THSD1: variants seen among roughly 807,000 people sequenced by gnomAD.
The protein encoded by THSD1 is thrombospondin type 1 domain containing 1.
In THSD1, 34 loss-of-function variants were observed where a neutral mutation model predicts 46.3. That is an observed-to-expected ratio of 0.74 (90% CI 0.56 to 0.98). The LOEUF (loss-of-function observed/expected upper bound fraction) is 0.98. Ranked by LOEUF, THSD1 falls within the 50% of genes least tolerant of loss-of-function variation. The pLI is 0.00. For synonymous variants in THSD1, 407 were observed against 416.5 expected (o/e 0.98, Z 0.28); for missense variants, 1,023 against 1,058.3 (o/e 0.97, Z 0.46).
intron 1 of THSD1, 182 bp from the exon 2 acceptor site, chr13:52,402,863 T>C (rs1270031653): frequency 1.0e-6 from 1 of 984,708 alleles, no homozygotes; most frequent in East Asian, 1.1e-4. Flanking sequence ...TTCATTCCAT[T>C]ATAACTCACA....
chr13:52,380,444 G>A (rs750940343), intron 4 of THSD1, among the ~76,000 whole-genome samples: 3 of 150,948 alleles, frequency 2.0e-5, no homozygotes, highest in Non-Finnish European at 2.9e-5. Flanking sequence ...ACTGAAGCCA[G>A]GCTACCCTGC....
At chr13:52,382,278 G>A (rs542970277) in intron 4 of THSD1, among the ~76,000 whole-genome samples, 48 of 152,112 alleles carry the variant, frequency 3.2e-4, no homozygotes, top group Non-Finnish European at 5.3e-4. Flanking sequence ...AAAATCCTGG[G>A]TTTCATCCTT....
Position 52,377,559 on chromosome 13 carries a change from G to C in THSD1, c.2411C>G (p.Pro804Arg), listed in dbSNP as rs1290408770. 1.2e-5 allele frequency: 20 copies of C among 1,601,582 alleles called. No individual in the cohort carries two copies. The highest frequency in any genetic ancestry group is 1.7e-5 in the Non-Finnish European group (20 of 1,170,352). Residue 804 changes from proline (P) to arginine (R), a missense_variant, in exon 5 of 5, where the codon CCC (proline) becomes CGC (arginine). By Grantham distance (103) the Pro-to-Arg change is moderately radical (BLOSUM62 -2). Transcript: ENST00000258613. ...ATAGAAGGCAAACTCAGGGTGAGTG[G>C]GGAAGCTTTGACACTTGTCTTTTCT... ...QCRKDKCQSF[P>R]THPEFAFYDN...
At chr13:52,382,308 T>C (rs1197465377) in intron 4 of THSD1, among the ~76,000 whole-genome samples, 1 of 152,198 alleles carries the variant, frequency 6.6e-6, no homozygotes, top group Non-Finnish European at 1.5e-5. Flanking sequence ...TCTCCATCAC[T>C]TGCCACATAC....
At chr13:52,383,257 A>T (rs1957706254) in intron 4 of THSD1, among the ~76,000 whole-genome samples, 1 of 152,200 alleles carries the variant, frequency 6.6e-6, no homozygotes, top group African/African-American at 2.4e-5. Flanking sequence ...TAACTGATTG[A>T]TTCATTCCTT....
Position 52,398,107 on chromosome 13 carries a change from A to G in THSD1, c.146T>C (p.Phe49Ser). The G allele has an allele frequency of 1.2e-6, 2 of 1,614,202 alleles. No individual in the cohort carries two copies. The highest frequency in any genetic ancestry group is 1.7e-6 in the Non-Finnish European group (2 of 1,180,034). ...NDTVYVDFQY[F>S]DGANGTLRNV... Reference sequence around the variant, plus strand: ...CCTCAGTGTCCCATTAGCACCATCAAAATACTGGAAATCCACATACACTGT... The same window carrying G: ...CCTCAGTGTCCCATTAGCACCATCAGAATACTGGAAATCCACATACACTGT... Residue 49 changes from phenylalanine to serine, a missense_variant, in exon 3 of 5, where the codon TTT becomes TCT. Coordinates refer to ENST00000258613, the MANE Select transcript of THSD1 (RefSeq NM_018676.4).
Position 52,378,197 on chromosome 13 carries a change from A to C in THSD1, c.1773T>G (p.Phe591Leu). Reference sequence around the variant, plus strand: ...CGGCACTGACCGCGGGCTGCTCCGGAAATGGGGATTTGATCCGGAACTTGT... The same window carrying C: ...CGGCACTGACCGCGGGCTGCTCCGGCAATGGGGATTTGATCCGGAACTTGT... ...AANKFRIKSP[F>L]PEQPAVSAGE... is the part of the protein sequence containing the mutation. The change falls in exon 5 of 5, where the codon TTT becomes TTG. Residue 591 changes from phenylalanine to leucine, a missense_variant. Phe to Leu is a conservative substitution (Grantham distance 22, BLOSUM62 0). Transcript: ENST00000258613. The C allele has an allele frequency of 1.9e-6, 3 of 1,614,102 alleles. No homozygotes were observed. The highest frequency in any genetic ancestry group is 2.5e-6 in the Non-Finnish European group (3 of 1,180,016).
intron 3 of THSD1, 146 bp downstream of exon 3, chr13:52,397,086 C>G (rs1957817475): frequency 4.2e-6 from 3 of 715,342 alleles, no homozygotes; most frequent in Admixed American, 6.3e-5. Context: ...AATTTTTCAG[C>G]TAAGGGTGAT....
intron 4 of THSD1, 24 bp downstream of exon 4, chr13:52,386,004 C>G: frequency 6.2e-7 from 1 of 1,609,888 alleles, no homozygotes. Flanking sequence ...AGGAGAGACT[C>G]CCGAAGGAAG....
At chr13:52,388,735 C>G (rs1031522192) in intron 3 of THSD1, among the ~76,000 whole-genome samples, 1 of 152,132 alleles carries the variant, frequency 6.6e-6, no homozygotes, top group African/African-American at 2.4e-5. Context: ...CCCACCTCGG[C>G]CTCCCAAAGT....
intron 3 of THSD1, among the ~76,000 whole-genome samples, chr13:52,388,381 G>A (rs1386131819): frequency 6.6e-6 from 1 of 152,096 alleles, no homozygotes; most frequent in Admixed American, 6.5e-5. Flanking sequence ...AAGAGTGCCA[G>A]CAATGGTATA....
chr13:52,378,765 G>T lies in THSD1; in HGVS notation c.1205C>A (p.Pro402His), dbSNP rs1488104090. ...CTTCACTGGACCCTGGGGCTGAAGA[G>T]GAGATGGGCTGGATGGCTGGAAAGC... The part of the protein sequence containing the change: ...CAAFQPSSPS[P>H]LQPQGPVKSN... The change falls in exon 5 of 5, where the codon CCT (proline) becomes CAT (histidine). Residue 402 changes from proline to histidine, a missense_variant. This residue lies in a region of THSD1 where 429 missense variants were observed against 518.3 expected (regional missense o/e 0.83). Coordinates refer to ENST00000258613, the MANE Select transcript of THSD1 (RefSeq NM_018676.4). 1 of 1,603,746 alleles carries T rather than the reference G, an allele frequency of 6.2e-7. No individual in the cohort carries two copies. Among genetic ancestry groups the T allele is most frequent in the African/African-American group, 1.3e-5 (1 of 74,520 alleles).
intron 3 of THSD1, among the ~76,000 whole-genome samples, chr13:52,391,525 TATATATATATAATTTTAC>T (rs369201655): frequency 0.039 from 5,826 of 150,412 alleles, 139 homozygotes; most frequent in South Asian, 0.069. Context: ...GCCAGAAGTA[TATATATATATAATTTTAC>T]ATATATATAT....
rs951131410 is a variant in THSD1, at chr13:52,402,484, T to A, written c.58+59A>T. On this transcript the variant is annotated intron_variant, in intron 2 of 4. Transcript: ENST00000258613. ...AGAGTCATCAACATCAATGCATTTA[T>A]AATGTCATCTTTATGTCTTATTGCT... The A allele has an allele frequency of 3.9e-6, 6 of 1,532,992 alleles. No homozygotes were observed. The Admixed American group carries it at 1.0e-4, about 26-fold the overall frequency. 95.0% of individuals were successfully genotyped at this position (1,532,992 alleles called of 1,614,324 possible). A position where few individuals can be genotyped will look rare whatever the true frequency, so the allele number is the denominator to read the frequency against.
chr13:52,382,629 C>A (rs1957701831), intron 4 of THSD1, among the ~76,000 whole-genome samples: 2 of 152,172 alleles, frequency 1.3e-5, no homozygotes, highest in African/African-American at 4.8e-5. Flanking sequence ...TGCCTTCATT[C>A]ATTGCTCCCT....
intron 4 of THSD1, among the ~76,000 whole-genome samples, chr13:52,382,018 ACTCT>A (rs1032404126): frequency 5.3e-5 from 8 of 151,862 alleles, no homozygotes; most frequent in African/African-American, 1.9e-4. Flanking sequence ...AGCTCTTGCA[ACTCT>A]CTCTCTCCCT....
At chr13:52,388,224 G>A (rs1244070422) in intron 3 of THSD1, among the ~76,000 whole-genome samples, 1 of 151,066 alleles carries the variant, frequency 6.6e-6, no homozygotes, top group Non-Finnish European at 1.5e-5. Flanking sequence ...CAAAAATAAA[G>A]GAGAAATAAA....
At chr13:52,386,580 C>T (rs938580102) in intron 3 of THSD1, among the ~76,000 whole-genome samples, 4 of 152,136 alleles carry the variant, frequency 2.6e-5, no homozygotes, top group Non-Finnish European at 5.9e-5. Context: ...TGGAGTAGCA[C>T]AGAATATAGA....
intron 4 of THSD1, among the ~76,000 whole-genome samples, chr13:52,384,901 C>G (rs1343673806): frequency 6.7e-6 from 1 of 148,790 alleles, no homozygotes; most frequent in Non-Finnish European, 1.5e-5. Context: ...GAAAGACAGG[C>G]AGATGGAGGC....
Sources: gnomAD v4.1 joint callset for allele counts (sites outside exome capture counted in the v4.1 genomes callset) on GRCh38, gnomAD v4.1.1 for gene constraint, gnomAD v4.1.1 regional missense constraint, MANE v1.5 for transcripts, NCBI Gene and HGNC (gene_info 2026-07-23, HGNC 2026-07-21) for gene names.